VWA3B: variants seen among roughly 807,000 people sequenced by gnomAD.
The protein encoded by VWA3B is von Willebrand factor A domain containing 3B, also known as von Willebrand factor A domain-containing protein 3B.
A neutral mutation model predicts 158.3 loss-of-function variants in VWA3B; 138 were observed. That is an observed-to-expected ratio of 0.87 (90% CI 0.76 to 1.00). The LOEUF is 1.00. VWA3B is among the 50% of genes least tolerant of loss of function. VWA3B has a pLI of 0.00. For missense variants in VWA3B, 1,555 were observed against 1,565.1 expected (o/e 0.99, Z 0.11); for synonymous variants, 596 against 587.3 (o/e 1.01, Z -0.21).
chr2:98,208,259 G>C (rs936502125), intron 12 of VWA3B, among the ~76,000 whole-genome samples: 1 of 152,026 alleles, frequency 6.6e-6, no homozygotes, highest in Non-Finnish European at 1.5e-5. Flanking sequence ...TGTTATGCCT[G>C]AAGTGAGTTT....
intron 13 of VWA3B, among the ~76,000 whole-genome samples, chr2:98,213,757 G>T (rs536565042): frequency 2.0e-5 from 3 of 152,306 alleles, no homozygotes; most frequent in East Asian, 3.9e-4. Flanking sequence ...GCTGGAGTTA[G>T]GGGACAGTGT....
intron 15 of VWA3B, 23 bp from the exon 16 acceptor site, chr2:98,230,024 TCGA>T: frequency 6.5e-7 from 1 of 1,548,644 alleles, no homozygotes; most frequent in African/African-American, 1.4e-5. Flanking sequence ...CTTTTTTTGC[TCGA>T]CTTTTTATCT....
At chr2:98,163,046 T>G in intron 8 of VWA3B, 70 bp downstream of exon 8, 3 of 1,587,930 alleles carry the variant, frequency 1.9e-6, no homozygotes, top group Non-Finnish European at 2.6e-6. Flanking sequence ...AGGGGCTGCT[T>G]CCATGTTCCT....
Position 98,093,137 on chromosome 2 carries a change from G to T in VWA3B, c.45G>T (p.Leu15=). The T allele has an allele frequency of 6.2e-7, 1 of 1,614,024 alleles. No individual in the cohort carries two copies. The highest frequency in any genetic ancestry group is 8.5e-7 in the Non-Finnish European group (1 of 1,179,960). The change falls in exon 2 of 28, where the codon CTG becomes CTT. Residue 15 remains leucine (L), a synonymous_variant. Transcript: ENST00000477737. ...GPSSTISEQQ[L]QRQEGWINTK... ...CTTCTACCATCTCTGAGCAGCAGCT[G>T]CAGAGGCAAGAGGGATGGATTAACA...
intron 3 of VWA3B, among the ~76,000 whole-genome samples, chr2:98,117,477 C>G (rs778799601): frequency 3.9e-5 from 6 of 152,140 alleles, no homozygotes; most frequent in Non-Finnish European, 7.4e-5. Flanking sequence ...ACTGGCTGCG[C>G]TGGGGCAGCC....
chr2:98,236,322 A>T, intron 17 of VWA3B, 68 bp from the exon 18 acceptor site: 1 of 1,525,426 alleles, frequency 6.6e-7, no homozygotes, highest in South Asian at 1.1e-5. Context: ...GACAAGCGTG[A>T]TCCCTTTGCA....
chr2:98,092,816 GTATATA>G (rs70940110), intron 1 of VWA3B, among the ~76,000 whole-genome samples: 2,510 of 51,378 alleles, frequency 0.049, 57 homozygotes, highest in African/African-American at 0.062. Flanking sequence ...AGATGTTTTT[GTATATA>G]TATATATATA....
chr2:98,246,989 T>G (rs1423308515), intron 19 of VWA3B, among the ~76,000 whole-genome samples: 3 of 152,064 alleles, frequency 2.0e-5, no homozygotes, highest in Non-Finnish European at 4.4e-5. Context: ...GTTTTAAAAG[T>G]TTTAATGTAA....
At chr2:98,240,350 T>C (rs1685996345) in intron 19 of VWA3B, among the ~76,000 whole-genome samples, 1 of 152,192 alleles carries the variant, frequency 6.6e-6, no homozygotes, top group African/African-American at 2.4e-5. Context: ...TCCCCATTAT[T>C]AATGGATATT....
chr2:98,155,896 T>C (rs570399154), intron 7 of VWA3B, among the ~76,000 whole-genome samples: 219 of 152,266 alleles, frequency 1.4e-3, no homozygotes, highest in African/African-American at 5.1e-3. Flanking sequence ...ACTTTTTTTT[T>C]CTCCAAGAAT....
At chr2:98,247,857 TTATC>T (rs1347600571) in intron 19 of VWA3B, among the ~76,000 whole-genome samples, 1 of 152,118 alleles carries the variant, frequency 6.6e-6, no homozygotes, top group Non-Finnish European at 1.5e-5. Context: ...TAAATGCTGA[TTATC>T]TAACCATCTT....
chr2:98,243,109 C>A (rs35722165), intron 19 of VWA3B, among the ~76,000 whole-genome samples: 1 of 151,918 alleles, frequency 6.6e-6, no homozygotes, highest in South Asian at 2.1e-4. Flanking sequence ...ATATCCAGAC[C>A]CTTTGTTCTT....
At chr2:98,140,571 C>T (rs1408446156) in intron 7 of VWA3B, among the ~76,000 whole-genome samples, 4 of 152,310 alleles carry the variant, frequency 2.6e-5, no homozygotes, top group East Asian at 1.9e-4. Flanking sequence ...CCATACTTCT[C>T]TGTGTGAAGG....
At chr2:98,207,325 C>G (rs768280833) in intron 12 of VWA3B, 1 of 488,926 alleles carries the variant, frequency 2.0e-6, no homozygotes, top group Admixed American at 2.1e-5. Flanking sequence ...GGGCATCTAT[C>G]TACATGTGGA....
intron 19 of VWA3B, 49 bp downstream of exon 19, chr2:98,236,779 G>C: frequency 1.3e-6 from 2 of 1,559,424 alleles, no homozygotes; most frequent in Non-Finnish European, 1.7e-6. Context: ...TTCATTTTCT[G>C]CTCAAATAAA....
intron 7 of VWA3B, among the ~76,000 whole-genome samples, chr2:98,135,603 G>A (rs922866692): frequency 6.6e-6 from 1 of 151,878 alleles, no homozygotes; most frequent in Non-Finnish European, 1.5e-5. Flanking sequence ...CCAAAGTGCT[G>A]GGATTACAGG....
chr2:98,215,512 C>T (rs1029583366), intron 13 of VWA3B, among the ~76,000 whole-genome samples: 6 of 151,464 alleles, frequency 4.0e-5, no homozygotes, highest in African/African-American at 7.3e-5. Flanking sequence ...AACATAATTT[C>T]GAAACTCTTT....
chr2:98,288,358 G>A (rs1689285981), intron 22 of VWA3B, among the ~76,000 whole-genome samples: 1 of 152,176 alleles, frequency 6.6e-6, no homozygotes, highest in African/African-American at 2.4e-5. Context: ...TTCAGTTTTA[G>A]AAGGCTGTGC....
At chr2:98,242,600 C>T (rs918637932) in intron 19 of VWA3B, among the ~76,000 whole-genome samples, 1 of 151,132 alleles carries the variant, frequency 6.6e-6, no homozygotes, top group Non-Finnish European at 1.5e-5. Flanking sequence ...CTGTGTTGTC[C>T]GTCCTTCTCC....
Sources: gnomAD v4.1 joint callset for allele counts (sites outside exome capture counted in the v4.1 genomes callset) on GRCh38, gnomAD v4.1.1 for gene constraint, MANE v1.5 for transcripts, NCBI Gene and HGNC (gene_info 2026-07-23, HGNC 2026-07-21) for gene names.